PELI1: variants seen among roughly 807,000 people sequenced by gnomAD.
PELI1 encodes the protein pellino E3 ubiquitin protein ligase 1.
Under a neutral mutation model 41.3 loss-of-function variants are expected in PELI1, and 15 were observed. That is an observed-to-expected ratio of 0.36 (90% CI 0.24 to 0.56). The LOEUF (loss-of-function observed/expected upper bound fraction) is 0.56, where lower values mean the gene tolerates loss of function less well. Among genes scored for constraint, PELI1 ranks in the 20% least tolerant of loss-of-function variants. The pLI, the probability that PELI1 is intolerant of heterozygous loss-of-function variation, is 0.82. For synonymous variants in PELI1, 178 were observed against 180.1 expected, an observed-to-expected ratio of 0.99 and a Z score of 0.09; for missense variants, 403 against 525.5, an observed-to-expected ratio of 0.77 and a Z score of 2.28.
intron 1 of PELI1, among the ~76,000 whole-genome samples, chr2:64,125,876 A>C (rs1681367127): frequency 6.6e-6 from 1 of 152,244 alleles, no homozygotes; most frequent in Non-Finnish European, 1.5e-5. Flanking sequence ...TTTCATGCAC[A>C]AAATTAATAA....
intron 4 of PELI1, among the ~76,000 whole-genome samples, chr2:64,098,721 G>A (rs939212280): frequency 4.1e-4 from 62 of 152,138 alleles, no homozygotes; most frequent in Non-Finnish European, 8.4e-4. Flanking sequence ...CTGATGACTT[G>A]AACAATAAAT....
intron 1 of PELI1, among the ~76,000 whole-genome samples, chr2:64,122,888 G>A (rs1294960212): frequency 6.6e-6 from 1 of 152,136 alleles, no homozygotes. Flanking sequence ...AGAATATACT[G>A]TGCAATTTGT....
At chr2:64,134,777 G>A (rs1681662676) in intron 1 of PELI1, among the ~76,000 whole-genome samples, 1 of 152,122 alleles carries the variant, frequency 6.6e-6, no homozygotes, top group South Asian at 2.1e-4. Flanking sequence ...AAATACTACG[G>A]ATAGTATCTG....
At chr2:64,106,659 C>T (rs1030919148) in intron 2 of PELI1, among the ~76,000 whole-genome samples, 2 of 152,160 alleles carry the variant, frequency 1.3e-5, no homozygotes, top group East Asian at 1.9e-4. Context: ...GTCATTTTTA[C>T]AGACAAGGAA....
At chr2:64,140,787 C>CGAAAA (rs1681877427) in intron 1 of PELI1, among the ~76,000 whole-genome samples, 1 of 46,358 alleles carries the variant, frequency 2.2e-5, no homozygotes, top group African/African-American at 1.2e-4. Context: ...AGACAACATG[C>CGAAAA]AAAAAAAAAA....
At chr2:64,101,020 G>A (rs773747184) in intron 3 of PELI1, among the ~76,000 whole-genome samples, 1 of 152,138 alleles carries the variant, frequency 6.6e-6, no homozygotes, top group Admixed American at 6.5e-5. Context: ...GTGAGCCACT[G>A]CGCCCGGCCC....
intron 3 of PELI1, among the ~76,000 whole-genome samples, chr2:64,102,750 C>T (rs998482144): frequency 2.0e-5 from 3 of 152,082 alleles, no homozygotes; most frequent in Non-Finnish European, 4.4e-5. Flanking sequence ...AACTACTCAT[C>T]CCAGATGACT....
chr2:64,144,062 G>GT lies in PELI1; in HGVS notation c.-70+18_-70+19insA, dbSNP rs1682021900. On this transcript the variant is annotated intron_variant, in intron 1 of 6. Transcript: ENST00000358912. ...GCCCCGCCGCCATCCATCCCGCGGCGCCCCGCGGTCACACTTACCGGACAA... is the reference window on the plus strand; with the variant it reads ...GCCCCGCCGCCATCCATCCCGCGGCGTCCCCGCGGTCACACTTACCGGACAA... The GT allele has an allele frequency of 6.6e-6, 1 of 151,850 alleles. No homozygotes were observed. Among genetic ancestry groups the GT allele is most frequent in the South Asian group, 2.1e-4 (1 of 4,824 alleles). The allele number at this position is 151,850 out of a possible 1,614,324, so 9.4% of individuals were successfully genotyped here. A position where few individuals can be genotyped will look rare whatever the true frequency, so the allele number is the denominator to read the frequency against.
At position 64,113,709 on chromosome 2, in the gene PELI1, T is replaced by C. The variant is rs774763411; in HGVS notation, c.-69-5330A>G. ...AACATGAAAAGTTACTCATAAAATA[T>C]GTATTTATTAGGAATAGTATTATTA... On this transcript the variant is annotated intron_variant, in intron 1 of 6. Transcript: ENST00000358912. 4.1e-4 allele frequency among the ~76,000 whole-genome samples: 62 copies of C among 152,190 alleles called. 1 individual carries two copies. The highest frequency in any genetic ancestry group is 7.3e-5 in the Non-Finnish European group (5 of 68,040).
intron 1 of PELI1, among the ~76,000 whole-genome samples, chr2:64,120,054 A>C (rs1576090176): frequency 6.6e-6 from 1 of 152,308 alleles, no homozygotes; most frequent in East Asian, 1.9e-4. Context: ...AATTGATCAC[A>C]CTTGTTTATT....
chr2:64,118,635 A>G (rs1576088823), intron 1 of PELI1, among the ~76,000 whole-genome samples: 1 of 152,204 alleles, frequency 6.6e-6, no homozygotes, highest in Non-Finnish European at 1.5e-5. Context: ...ATCTCTCCCA[A>G]CCATATCAGA....
intron 6 of PELI1, 107 bp from the exon 7 acceptor site, chr2:64,095,375 A>AT (rs1680199329): frequency 6.1e-6 from 4 of 655,048 alleles, no homozygotes; most frequent in Middle Eastern, 2.6e-4. Flanking sequence ...GTTTCCTAGG[A>AT]TTTTCACTAA....
chr2:64,141,780 C>CT (rs1412126823), intron 1 of PELI1, among the ~76,000 whole-genome samples: 3 of 152,238 alleles, frequency 2.0e-5, no homozygotes, highest in African/African-American at 7.2e-5. Flanking sequence ...CTACCCCGTA[C>CT]TTTTCAGTCA....
intron 1 of PELI1, among the ~76,000 whole-genome samples, chr2:64,111,060 G>GT (rs1402247732): frequency 3.9e-5 from 6 of 152,100 alleles, no homozygotes; most frequent in African/African-American, 1.4e-4. Flanking sequence ...ATGGGATCAA[G>GT]TATTTCCTGC....
intron 1 of PELI1, among the ~76,000 whole-genome samples, chr2:64,125,247 T>G (rs1421827900): frequency 1.3e-5 from 2 of 152,114 alleles, no homozygotes; most frequent in Non-Finnish European, 2.9e-5. Context: ...GTCCCAACCC[T>G]CTTAATTTCT....
chr2:64,102,046 C>T (rs1315111760), intron 3 of PELI1, among the ~76,000 whole-genome samples: 1 of 151,934 alleles, frequency 6.6e-6, no homozygotes, highest in East Asian at 1.9e-4. Context: ...AGGCTGGTCT[C>T]GAACTCCTGA....
chr2:64,136,661 T>G (rs190631452), intron 1 of PELI1, among the ~76,000 whole-genome samples: 1 of 152,340 alleles, frequency 6.6e-6, no homozygotes, highest in African/African-American at 2.4e-5. Context: ...ATTCCAGCAC[T>G]CTGGGAGGCT....
At chr2:64,127,149 G>C (rs1288501944) in intron 1 of PELI1, among the ~76,000 whole-genome samples, 1 of 152,116 alleles carries the variant, frequency 6.6e-6, no homozygotes, top group African/African-American at 2.4e-5. Context: ...TAAAAGTCCA[G>C]GTTGTTAAAT....
At chr2:64,134,139 C>T (rs1404485659) in intron 1 of PELI1, among the ~76,000 whole-genome samples, 3 of 152,114 alleles carry the variant, frequency 2.0e-5, no homozygotes, top group Non-Finnish European at 4.4e-5. Context: ...CTCAGCAAAT[C>T]CTTTTGGAAG....
Sources: gnomAD v4.1 joint callset for allele counts (sites outside exome capture counted in the v4.1 genomes callset) on GRCh38, gnomAD v4.1.1 for gene constraint, MANE v1.5 for transcripts, NCBI Gene and HGNC (gene_info 2026-07-23, HGNC 2026-07-21) for gene names.